The following UBTD2 variants were observed in gnomAD, a reference collection of about 807,000 sequenced individuals.
The protein encoded by UBTD2 is ubiquitin domain-containing protein 2.
UBTD2 carries 9 observed loss-of-function variants against 19.8 expected under a neutral mutation model. The ratio of observed to expected loss-of-function variants is 0.46; its 90% CI spans 0.27 to 0.79. The LOEUF (loss-of-function observed/expected upper bound fraction) is 0.79. Ranked by LOEUF, UBTD2 falls within the 30% of genes least tolerant of loss-of-function variation. The probability of loss-of-function intolerance (pLI) is 0.14; values close to 1 mark genes in which losing one functional copy is unlikely to be tolerated. For missense variants in UBTD2, 250 were observed against 300.4 expected (o/e 0.83, Z 1.24); for synonymous variants, 98 against 103.9 (o/e 0.94, Z 0.35).
intron 1 of UBTD2, among the ~76,000 whole-genome samples, chr5:172,244,079 T>C (rs1772187681): frequency 6.6e-6 from 1 of 152,072 alleles, no homozygotes; most frequent in South Asian, 2.1e-4. Flanking sequence ...CTAATCTTCC[T>C]ACATATTCTG....
At chr5:172,242,093 A>G (rs1772142278) in intron 1 of UBTD2, among the ~76,000 whole-genome samples, 2 of 152,076 alleles carry the variant, frequency 1.3e-5, no homozygotes, top group South Asian at 4.1e-4. Flanking sequence ...TTCTCTTGCT[A>G]TGTGATGCAA....
chr5:172,232,892 G>A (rs1241694068), intron 2 of UBTD2, among the ~76,000 whole-genome samples: 1 of 151,866 alleles, frequency 6.6e-6, no homozygotes, highest in Non-Finnish European at 1.5e-5. Context: ...CTTAAAAAAA[G>A]GGACTTTGGG....
intron 1 of UBTD2, chr5:172,255,133 C>A: frequency 2.2e-6 from 1 of 464,436 alleles, no homozygotes. Context: ...CATTGGTGGG[C>A]TGGAAGAAGG....
At chr5:172,272,996 G>A (rs1581234522) in intron 1 of UBTD2, among the ~76,000 whole-genome samples, 2 of 151,498 alleles carry the variant, frequency 1.3e-5, no homozygotes, top group Middle Eastern at 3.4e-3. Context: ...AAAATCGCTT[G>A]AACCCAGGAG....
chr5:172,277,496 C>T (rs1257622464), intron 1 of UBTD2, among the ~76,000 whole-genome samples: 1 of 151,900 alleles, frequency 6.6e-6, no homozygotes, highest in Non-Finnish European at 1.5e-5. Context: ...CACTTAAGCC[C>T]GGGAGTTTGA....
chr5:172,239,945 C>T (rs931546079), intron 1 of UBTD2, among the ~76,000 whole-genome samples: 2 of 152,262 alleles, frequency 1.3e-5, no homozygotes, highest in African/African-American at 4.8e-5. Context: ...ACAACAAAGC[C>T]CAGATCTCTC....
chr5:172,255,502 G>T, intron 1 of UBTD2: 1 of 341,010 alleles, frequency 2.9e-6, no homozygotes, highest in South Asian at 3.0e-5. Context: ...CGCCGCCCAC[G>T]AGAAATAAAG....
At chr5:172,236,068 A>C (rs1352348796) in intron 1 of UBTD2, among the ~76,000 whole-genome samples, 1 of 152,210 alleles carries the variant, frequency 6.6e-6, no homozygotes, top group Non-Finnish European at 1.5e-5. Flanking sequence ...ACAGAAAATA[A>C]AATGACTCCA....
rs1414852556 is a variant in UBTD2 at position 172,227,845 on chromosome 5, T to A, written c.307+6277A>T. Among the ~76,000 whole-genome samples, 4 of 151,956 alleles carry A rather than the reference T, an allele frequency of 2.6e-5. No homozygotes were observed. The East Asian group carries it at 7.8e-4, about 30-fold the overall frequency. ...ACAGGCACCCGCCACCATGCCCGGC[T>A]AATTTTTGTATTTTTAGTAGAGACG... On this transcript the variant is annotated intron_variant, in intron 2 of 2. Transcript: ENST00000393792.
intron 1 of UBTD2, among the ~76,000 whole-genome samples, chr5:172,264,834 C>T (rs1267013720): frequency 3.3e-5 from 5 of 152,118 alleles, no homozygotes; most frequent in African/African-American, 1.2e-4. Context: ...TGTGGTTGTG[C>T]CACTGCACTC....
intron 2 of UBTD2, among the ~76,000 whole-genome samples, chr5:172,223,610 A>C (rs1436678436): frequency 1.4e-5 from 2 of 147,142 alleles, no homozygotes; most frequent in African/African-American, 4.9e-5. Context: ...AAAAAAAAAA[A>C]AAAAAAAGCA....
chr5:172,277,995 C>A (rs934385101), intron 1 of UBTD2, among the ~76,000 whole-genome samples: 3 of 152,056 alleles, frequency 2.0e-5, no homozygotes, highest in African/African-American at 7.2e-5. Flanking sequence ...AGAGATACTA[C>A]TTCAGAATTG....
intron 1 of UBTD2, among the ~76,000 whole-genome samples, chr5:172,249,149 G>A (rs528328806): frequency 6.6e-6 from 1 of 152,092 alleles, no homozygotes; most frequent in Non-Finnish European, 1.5e-5. Flanking sequence ...TGTAATCCCA[G>A]CACTTTGGAA....
intron 1 of UBTD2, among the ~76,000 whole-genome samples, chr5:172,250,407 T>C (rs1754977516): frequency 6.6e-6 from 1 of 152,204 alleles, no homozygotes; most frequent in Non-Finnish European, 1.5e-5. Flanking sequence ...TGACTCCTGA[T>C]ATGCTGCACT....
chr5:172,224,219 G>A (rs1457876174), intron 2 of UBTD2, among the ~76,000 whole-genome samples: 2 of 151,958 alleles, frequency 1.3e-5, no homozygotes, highest in Admixed American at 6.6e-5. Context: ...CTGGTGGGAG[G>A]TGACTGGATC....
At chr5:172,258,935 ATTTC>A (rs1304061388) in intron 1 of UBTD2, among the ~76,000 whole-genome samples, 6 of 152,112 alleles carry the variant, frequency 3.9e-5, no homozygotes, top group East Asian at 1.9e-4. Flanking sequence ...GATACCTTTT[ATTTC>A]TTTCTCTTAC....
intron 1 of UBTD2, among the ~76,000 whole-genome samples, chr5:172,236,712 G>A (rs1290274544): frequency 6.6e-6 from 1 of 152,180 alleles, no homozygotes; most frequent in Non-Finnish European, 1.5e-5. Context: ...TTGGGTCTGA[G>A]TATTTCTACA....
rs1771425075 is a variant in UBTD2 at position 172,210,699 on chromosome 5, T to G, written c.*1131A>C. On this transcript the variant is annotated 3_prime_UTR_variant, in exon 3 of 3. Coordinates refer to ENST00000393792, the MANE Select transcript of UBTD2 (RefSeq NM_152277.3). ...TAAAGCAATGTTTCATTATTTGGTC[T>G]CACTGCTAATGTTTATGTGACACCA... The G allele has an allele frequency of 1.3e-5, 2 of 152,200 alleles. No homozygotes were observed. The highest frequency in any genetic ancestry group is 6.5e-5 in the Admixed American group (1 of 15,276). The allele number at this position is 152,200 out of a possible 1,614,324, so 9.4% of individuals were successfully genotyped here.
chr5:172,237,560 T>C (rs773805492), intron 1 of UBTD2, among the ~76,000 whole-genome samples: 2 of 152,246 alleles, frequency 1.3e-5, no homozygotes, highest in Non-Finnish European at 2.9e-5. Flanking sequence ...GTAACATAAT[T>C]ACTTTAGTGA....
Sources: gnomAD v4.1 joint callset for allele counts (sites outside exome capture counted in the v4.1 genomes callset) on GRCh38, gnomAD v4.1.1 for gene constraint, MANE v1.5 for transcripts, NCBI Gene and HGNC (gene_info 2026-07-23, HGNC 2026-07-21) for gene names.